DAB1: variants seen among roughly 807,000 people sequenced by gnomAD.
DAB1 encodes the protein disabled homolog 1.
Under a neutral mutation model 64.6 loss-of-function variants are expected in DAB1, and 15 were observed. The observed-to-expected ratio is 0.23, with a 90% confidence interval of 0.16 to 0.36. The LOEUF is 0.36. DAB1 is among the 10% of genes least tolerant of loss of function. The pLI, the probability that DAB1 is intolerant of heterozygous loss-of-function variation, is 1.00. For synonymous variants in DAB1, 235 were observed against 251.9 expected (o/e 0.93, Z 0.64); for missense variants, 596 against 706.7 (o/e 0.84, Z 1.78).
At chr1:57,602,731 T>C (rs1256988562) in intron 7 of DAB1, among the ~76,000 whole-genome samples, 2 of 152,124 alleles carry the variant, frequency 1.3e-5, no homozygotes, top group Non-Finnish European at 2.9e-5. Flanking sequence ...GAGGAATCCT[T>C]TCCAATGTCT....
intron 2 of DAB1, among the ~76,000 whole-genome samples, chr1:57,168,496 T>C (rs1661416244): frequency 6.6e-6 from 1 of 152,196 alleles, no homozygotes; most frequent in Admixed American, 6.6e-5. Flanking sequence ...TCTTCACATC[T>C]GTGAATTTTT....
intron 6 of DAB1, among the ~76,000 whole-genome samples, chr1:57,741,516 T>A (rs984830245): frequency 6.6e-6 from 1 of 152,284 alleles, no homozygotes; most frequent in Middle Eastern, 3.4e-3. Context: ...CCTCTCAAAG[T>A]GTCTAGATTT....
In DAB1 at chr1:57,116,045, A is replaced by G. The variant is rs367896669; in HGVS notation, c.306+20498T>C. Among the ~76,000 whole-genome samples the G allele has an allele frequency of 5.3e-5, 8 of 152,266 alleles. No homozygotes were observed. In the East Asian group the frequency reaches 1.5e-3, roughly 29 times the overall value. ...GTCCCTACTATCTATGGTCTCCTGT[A>G]TCATGAACATGGCAGTGACCTCTGT... On this transcript the variant is annotated intron_variant, in intron 4 of 14. Transcript: ENST00000371236.
chr1:57,546,115 G>A (rs1005369713), intron 7 of DAB1, among the ~76,000 whole-genome samples: 1 of 151,532 alleles, frequency 6.6e-6, no homozygotes, highest in Non-Finnish European at 1.5e-5. Flanking sequence ...ACGTGTGCAT[G>A]TTTGTAGAAG....
intron 6 of DAB1, among the ~76,000 whole-genome samples, chr1:57,666,328 C>A (rs11577122): frequency 0.28 from 42,064 of 151,968 alleles, 6,741 homozygotes; most frequent in Non-Finnish European, 0.38. Flanking sequence ...ACACATAATA[C>A]AATTCATTAA....
At chr1:57,818,848 A>G (rs1465594438) in intron 6 of DAB1, among the ~76,000 whole-genome samples, 1 of 152,036 alleles carries the variant, frequency 6.6e-6, no homozygotes, top group East Asian at 1.9e-4. Flanking sequence ...TTCACAGAAG[A>G]TCCGAGTGCT....
chr1:58,291,072 A>C (rs1429258118), intron 4 of DAB1, among the ~76,000 whole-genome samples: 1 of 152,216 alleles, frequency 6.6e-6, no homozygotes, highest in African/African-American at 2.4e-5. Context: ...TGATATGCTG[A>C]GTGAGACAAA....
chr1:57,478,184 A>C (rs890195978), intron 7 of DAB1, among the ~76,000 whole-genome samples: 1 of 152,104 alleles, frequency 6.6e-6, no homozygotes. Flanking sequence ...TCAGGGCTGC[A>C]CTAGTAAATG....
intron 7 of DAB1, among the ~76,000 whole-genome samples, chr1:57,547,307 A>AT (rs5774355): frequency 5.3e-5 from 8 of 152,058 alleles, no homozygotes; most frequent in African/African-American, 1.9e-4. Flanking sequence ...ATCTGGGTTA[A>AT]TTTTTTTTAA....
chr1:57,011,816 A>G (rs550175318), intron 12 of DAB1, among the ~76,000 whole-genome samples: 74 of 152,338 alleles, frequency 4.9e-4, no homozygotes, highest in African/African-American at 1.4e-3. Context: ...TTGACAGGTA[A>G]GGAAAGTGAA....
chr1:58,206,084 C>T (rs1022337460), intron 4 of DAB1, among the ~76,000 whole-genome samples: 7 of 152,126 alleles, frequency 4.6e-5, no homozygotes, highest in Non-Finnish European at 7.3e-5. Context: ...TAAGGACGTG[C>T]GCCCATGACA....
chr1:57,147,818 G>A (rs1378444701), intron 2 of DAB1, among the ~76,000 whole-genome samples: 1 of 152,160 alleles, frequency 6.6e-6, no homozygotes, highest in Admixed American at 6.5e-5. Context: ...GTAGGTACGA[G>A]TATTCAGGTT....
At chr1:57,285,849 C>CT (rs1343651823) in intron 2 of DAB1, among the ~76,000 whole-genome samples, 1 of 152,182 alleles carries the variant, frequency 6.6e-6, no homozygotes, top group Non-Finnish European at 1.5e-5. Context: ...ACACGTTCCT[C>CT]TACCATGATC....
intron 7 of DAB1, among the ~76,000 whole-genome samples, chr1:57,458,140 T>C (rs1359670891): frequency 6.6e-6 from 1 of 152,200 alleles, no homozygotes; most frequent in Non-Finnish European, 1.5e-5. Flanking sequence ...TATATTTACA[T>C]ACATTTATTT....
At chr1:58,193,858 A>G (rs2100239013) in intron 4 of DAB1, among the ~76,000 whole-genome samples, 1 of 152,208 alleles carries the variant, frequency 6.6e-6, no homozygotes, top group South Asian at 2.1e-4. Context: ...CTCTGTCTAA[A>G]AAAAAAAAGA....
chr1:57,588,390 G>A (rs1260469788), intron 7 of DAB1, among the ~76,000 whole-genome samples: 1 of 152,164 alleles, frequency 6.6e-6, no homozygotes, highest in African/African-American at 2.4e-5. Flanking sequence ...AAATTAAAAT[G>A]GAAGTGCTAT....
At chr1:57,484,689 C>T (rs878885638) in intron 7 of DAB1, among the ~76,000 whole-genome samples, 2 of 152,074 alleles carry the variant, frequency 1.3e-5, no homozygotes, top group Admixed American at 6.6e-5. Context: ...TTGAGAGTCA[C>T]AGACATATAG....
intron 1 of DAB1, among the ~76,000 whole-genome samples, chr1:57,315,273 C>T (rs1271530476): frequency 6.6e-6 from 1 of 152,160 alleles, no homozygotes; most frequent in Admixed American, 6.5e-5. Context: ...TTATATATTA[C>T]TTATTCCATG....
chr1:57,774,869 G>A (rs1048547181), intron 6 of DAB1, among the ~76,000 whole-genome samples: 2 of 151,634 alleles, frequency 1.3e-5, no homozygotes, highest in African/African-American at 4.8e-5. Flanking sequence ...ATGTTTGATA[G>A]AATTTGCTAA....
Sources: gnomAD v4.1 joint callset for allele counts (sites outside exome capture counted in the v4.1 genomes callset) on GRCh38, gnomAD v4.1.1 for gene constraint, MANE v1.5 for transcripts, NCBI Gene and HGNC (gene_info 2026-07-23, HGNC 2026-07-21) for gene names.